The following MTMR14 variants were observed in gnomAD, a reference collection of about 807,000 sequenced individuals.
MTMR14 encodes phosphatidylinositol-3,5-bisphosphate 3-phosphatase MTMR14.
A neutral mutation model predicts 86.3 loss-of-function variants in MTMR14; 48 were observed. The observed-to-expected ratio is 0.56, with a 90% confidence interval of 0.44 to 0.71. The LOEUF (loss-of-function observed/expected upper bound fraction) is 0.71, where lower values mean the gene tolerates loss of function less well. Ranked by LOEUF, MTMR14 falls within the 30% of genes least tolerant of loss-of-function variation. MTMR14 has a pLI of 0.00. For synonymous variants in MTMR14, 366 were observed against 326.1 expected, an observed-to-expected ratio of 1.12 and a Z score of -1.32; for missense variants, 780 against 834.6, an observed-to-expected ratio of 0.93 and a Z score of 0.81.
rs1478066102 is a variant in MTMR14, at chr3:9,662,292, A to C, written c.334A>C (p.Lys112Gln). ...GTTTGAGAGTACCGTACAGGTGAGC[A>C]AGTTGCAAGACCTCATCCACCGCAG... ...DTFESTVQVSKLQDLIHRSKM... is the reference protein window; with the variant it reads ...DTFESTVQVSQLQDLIHRSKM... The change falls in exon 3 of 19, where the codon AAG (lysine) becomes CAG (glutamine). Residue 112 changes from lysine to glutamine, a missense_variant. Coordinates refer to ENST00000296003, the MANE Select transcript of MTMR14 (RefSeq NM_001077525.3). 1 of 1,613,266 alleles carries C rather than the reference A, an allele frequency of 6.2e-7. No homozygotes were observed.
chr3:9,680,968 C>G (rs1021404789), intron 9 of MTMR14, among the ~76,000 whole-genome samples: 29 of 152,228 alleles, frequency 1.9e-4, no homozygotes, highest in African/African-American at 6.8e-4. Context: ...CTCTGAGAAG[C>G]CTTCTCTGAT....
intron 5 of MTMR14, 121 bp from the exon 6 acceptor site, chr3:9,670,927 C>T (rs2048534603): frequency 1.5e-6 from 2 of 1,332,000 alleles, no homozygotes; most frequent in Non-Finnish European, 2.2e-6. Flanking sequence ...ATGCGTCCAC[C>T]TAGCACACGC....
chr3:9,701,538 A>T lies in MTMR14; in HGVS notation c.1770-252A>T, dbSNP rs1267168547. ...CCTTGTCTCAAGAAAAAAAAAAAAA[A>T]GGTTAGTGTCCCAGTAAAAGCTCCT... On this transcript the variant is annotated intron_variant, in intron 18 of 18. Transcript: ENST00000296003. This position sits in a 1 kb window ranked among gnomAD's most constrained non-coding sequence, Gnocchi z 4.2. The T allele has an allele frequency of 3.7e-6, 2 of 545,532 alleles. No individual in the cohort carries two copies. The allele number at this position is 545,532 out of a possible 1,614,324, so 33.8% of individuals were successfully genotyped here.
At chr3:9,699,064 C>A (rs1459628341) in intron 18 of MTMR14, among the ~76,000 whole-genome samples, 1 of 151,274 alleles carries the variant, frequency 6.6e-6, no homozygotes, top group Non-Finnish European at 1.5e-5. Context: ...CCCAGCTACT[C>A]GGGAGGCTGA....
chr3:9,702,079 C>G lies in MTMR14; in HGVS notation c.*106C>G. The G allele has an allele frequency of 7.1e-7, 1 of 1,416,092 alleles. No individual in the cohort carries two copies. Among genetic ancestry groups the G allele is most frequent in the Non-Finnish European group, 9.8e-7 (1 of 1,015,270 alleles). 87.7% of individuals were successfully genotyped at this position (1,416,092 alleles called of 1,614,324 possible). ...GGTACTTCCAGGTCAGGGGAAATTTCAGTCCCCCATCTCCATCATGAACAT... is the reference window on the plus strand; with the variant it reads ...GGTACTTCCAGGTCAGGGGAAATTTGAGTCCCCCATCTCCATCATGAACAT... On this transcript the variant is annotated 3_prime_UTR_variant, in exon 19 of 19. Coordinates refer to ENST00000296003, the MANE Select transcript of MTMR14 (RefSeq NM_001077525.3).
chr3:9,651,224 G>T (rs565744829), intron 1 of MTMR14, among the ~76,000 whole-genome samples: 19 of 152,058 alleles, frequency 1.2e-4, no homozygotes, highest in African/African-American at 3.6e-4. Context: ...ACTTAAGCCT[G>T]CCAAGCACCT....
chr3:9,685,146 C>T, intron 12 of MTMR14, 65 bp from the exon 13 acceptor site: 1 of 1,605,742 alleles, frequency 6.2e-7, no homozygotes, highest in Non-Finnish European at 8.5e-7. Context: ...TGTCTGGTGA[C>T]CCTGTCCTCT....
chr3:9,701,645 C>T lies in MTMR14; in HGVS notation c.1770-145C>T. ...GGCCAGATATTTGGGGCCTGAACCA[C>T]AAGGATAGCATGGCCGTAGGACAGA... On this transcript the variant is annotated intron_variant, in intron 18 of 18. Coordinates refer to ENST00000296003, the MANE Select transcript of MTMR14 (RefSeq NM_001077525.3). The surrounding 1 kb of genome is among the most constrained non-coding windows in gnomAD (Gnocchi z 4.2). The T allele has an allele frequency of 3.1e-6, 3 of 979,528 alleles. No homozygotes were observed. Among genetic ancestry groups the T allele is most frequent in the East Asian group, 5.1e-5 (2 of 39,138 alleles). The allele number at this position is 979,528 out of a possible 1,614,324, so 60.7% of individuals were successfully genotyped here.
chr3:9,686,487 C>G (rs1056926633), intron 13 of MTMR14, among the ~76,000 whole-genome samples: 3 of 146,280 alleles, frequency 2.1e-5, no homozygotes, highest in Non-Finnish European at 3.0e-5. Flanking sequence ...CTTTCTGTTA[C>G]CCCCCCCAGA....
At chr3:9,686,028 T>TCC (rs1022670881) in intron 13 of MTMR14, among the ~76,000 whole-genome samples, 31 of 152,194 alleles carry the variant, frequency 2.0e-4, no homozygotes, top group African/African-American at 7.5e-4. Context: ...TGGCCCCCAC[T>TCC]CCCCCATTTT....
Position 9,677,963 on chromosome 3 carries a change from C to A in MTMR14, c.823-21C>A. On this transcript the variant is annotated intron_variant, in intron 8 of 18. Transcript: ENST00000296003. The surrounding 1 kb of genome is among the most constrained non-coding windows in gnomAD (Gnocchi z 4.2). ...CCTCTGGTGGCCAACCCACATCTCA[C>A]AGGAGTCTTTCTGTCCCCAGGACTA... 2 of 1,613,162 alleles carry A rather than the reference C, an allele frequency of 1.2e-6. No homozygotes were observed. The highest frequency in any genetic ancestry group is 1.7e-6 in the Non-Finnish European group (2 of 1,179,306).
Position 9,688,741 on chromosome 3 carries a change from C to T in MTMR14, c.1281C>T (p.Asp427=). Residue 427 remains aspartate (D), a synonymous_variant, in exon 15 of 19, where the codon GAC becomes GAT. Coordinates refer to ENST00000296003, the MANE Select transcript of MTMR14 (RefSeq NM_001077525.3). ...GGGATGGAGGCTTCACCCTGGAAGA[C>T]ATCTGCATGCTGAGTGAGTCCTGGG... is the stretch of plus-strand genomic sequence containing the variant. ...PARDGGFTLE[D]ICMLRRKDRG... 2 of 1,614,174 alleles carry T rather than the reference C, an allele frequency of 1.2e-6. No individual in the cohort carries two copies. Among genetic ancestry groups the T allele is most frequent in the South Asian group, 2.2e-5 (2 of 91,080 alleles).
chr3:9,656,127 G>A (rs1323024580), intron 2 of MTMR14, among the ~76,000 whole-genome samples: 1 of 151,952 alleles, frequency 6.6e-6, no homozygotes, highest in African/African-American at 2.4e-5. Context: ...CCCAGGAGGC[G>A]GAGACTGCAC....
chr3:9,700,591 A>G (rs1490595439), intron 18 of MTMR14: 1 of 152,240 alleles, frequency 6.6e-6, no homozygotes, highest in Non-Finnish European at 1.5e-5. Context: ...TACAGAGGCC[A>G]AGAGAGGAAT....
intron 3 of MTMR14, among the ~76,000 whole-genome samples, chr3:9,665,875 C>A (rs1173655807): frequency 1.3e-5 from 2 of 151,720 alleles, no homozygotes; most frequent in Non-Finnish European, 2.9e-5. Flanking sequence ...ACTACAGGTG[C>A]CTGCCACCAT....
rs550939531 is a variant in MTMR14 at position 9,671,684 on chromosome 3, C to G, written c.677+514C>G. Among the ~76,000 whole-genome samples the G allele has an allele frequency of 2.0e-5, 3 of 152,268 alleles. 1 individual carries two copies. Among genetic ancestry groups the G allele is most frequent in the African/African-American group, 7.2e-5 (3 of 41,538 alleles). ...TTCTTTTAAAATTGAACAAAAAAAT[C>G]AGCATATATTCAAATTTTACTTCAG... is the stretch of plus-strand genomic sequence containing the variant. On this transcript the variant is annotated intron_variant, in intron 6 of 18. Transcript: ENST00000296003.
intron 2 of MTMR14, among the ~76,000 whole-genome samples, chr3:9,661,836 C>T (rs771354424): frequency 3.3e-5 from 5 of 151,782 alleles, no homozygotes; most frequent in East Asian, 1.9e-4. Context: ...CCTGTGATCC[C>T]GGCACTTTGG....
chr3:9,683,339 CCTTA>C (rs908226087), intron 10 of MTMR14, 95 bp downstream of exon 10: 19 of 1,219,582 alleles, frequency 1.6e-5, no homozygotes, highest in East Asian at 7.0e-5. Flanking sequence ...GAGTTGCACA[CCTTA>C]CTTTTGTGCT....
At chr3:9,697,425 C>T (rs559149998) in intron 17 of MTMR14, among the ~76,000 whole-genome samples, 72 of 152,216 alleles carry the variant, frequency 4.7e-4, no homozygotes, top group Non-Finnish European at 1.0e-3. Context: ...CATGCCCTGG[C>T]CCCAGGCTGT....
Sources: gnomAD v4.1 joint callset for allele counts (sites outside exome capture counted in the v4.1 genomes callset) on GRCh38, gnomAD v4.1.1 for gene constraint, Gnocchi (gnomAD v3.1) non-coding constraint, MANE v1.5 for transcripts, NCBI Gene and HGNC (gene_info 2026-07-23, HGNC 2026-07-21) for gene names.